Variants in ACER1 observed in about 807,000 individuals in gnomAD.
ACER1 encodes alkaline ceramidase 1.
In ACER1, 28 loss-of-function variants were observed where a neutral mutation model predicts 24.9. The ratio of observed to expected loss-of-function variants is 1.13; its 90% confidence interval spans 0.83 to 1.54. ACER1 has a LOEUF of 1.54. ACER1 is among the 40% of genes most tolerant of loss of function. The probability of loss-of-function intolerance (pLI) is 0.00; values close to 1 mark genes in which losing one functional copy is unlikely to be tolerated. For synonymous variants in ACER1, 132 were observed against 131.4 expected (o/e 1.00, Z -0.03); for missense variants, 352 against 349.3 (o/e 1.01, Z -0.06).
In ACER1 at chr19:6,309,759, G is replaced by A. The variant is rs368558992; in HGVS notation, c.426C>T (p.Asn142=). Reference sequence around the variant, plus strand: ...GGGCAATGCTGTTGAGGGCGTAGGCGTTGACCGTGGGCCGCAGGAAGGACA... The same window carrying A: ...GGGCAATGCTGTTGAGGGCGTAGGCATTGACCGTGGGCCGCAGGAAGGACA... ...TLLSFLRPTV[N]AYALNSIALH... is the part of the protein sequence containing the mutation. The change falls in exon 4 of 6, where the codon AAC becomes AAT. Residue 142 remains asparagine, a synonymous_variant. Transcript: ENST00000301452. 10 of 1,613,998 alleles carry A rather than the reference G, an allele frequency of 6.2e-6. No homozygotes were observed. Among genetic ancestry groups the A allele is most frequent in the South Asian group, 2.2e-5 (2 of 91,084 alleles).
the ACER1 span, among the ~76,000 whole-genome samples, chr19:6,339,481 T>C: frequency 6.6e-6 from 1 of 151,260 alleles, no homozygotes; most frequent in African/African-American, 2.4e-5. Context: ...AGGGAGTGAG[T>C]GTTTCTTGGG....
chr19:6,327,882 C>G (rs972922365), intron 1 of ACER1, among the ~76,000 whole-genome samples: 3 of 151,458 alleles, frequency 2.0e-5, no homozygotes, highest in Admixed American at 6.6e-5. Flanking sequence ...CGAGACCAGC[C>G]TGGCCAACAT....
At chr19:6,314,533 C>A (rs555414007) in intron 1 of ACER1, among the ~76,000 whole-genome samples, 4 of 151,778 alleles carry the variant, frequency 2.6e-5, no homozygotes, top group African/African-American at 7.2e-5. Context: ...AAGACCCCGA[C>A]GTGCTGACAT....
At chr19:6,324,846 AAAG>A in intron 1 of ACER1, among the ~76,000 whole-genome samples, 1 of 142,962 alleles carries the variant, frequency 7.0e-6, no homozygotes, top group South Asian at 2.3e-4. Context: ...GGAAGGAAGG[AAAG>A]AGAGAGAGAG....
chr19:6,319,285 C>T (rs994691807), intron 1 of ACER1, among the ~76,000 whole-genome samples: 15 of 152,110 alleles, frequency 9.9e-5, no homozygotes, highest in Admixed American at 9.8e-4. Context: ...TTTCCGATAA[C>T]ATCGGAAACT....
intron 1 of ACER1, among the ~76,000 whole-genome samples, chr19:6,313,905 G>A (rs1435557690): frequency 6.6e-6 from 1 of 152,114 alleles, no homozygotes; most frequent in African/African-American, 2.4e-5. Flanking sequence ...GAGATGGAGA[G>A]AGATGCCAGA....
At chr19:6,322,809 G>A (rs1435906738) in intron 1 of ACER1, among the ~76,000 whole-genome samples, 1 of 152,056 alleles carries the variant, frequency 6.6e-6, no homozygotes, top group Non-Finnish European at 1.5e-5. Context: ...AGATCTCATG[G>A]TTTTAAAAAC....
chr19:6,324,500 G>A (rs1600242217), intron 1 of ACER1, among the ~76,000 whole-genome samples: 1 of 149,668 alleles, frequency 6.7e-6, no homozygotes, highest in Non-Finnish European at 1.5e-5. Flanking sequence ...GCTCATGCCT[G>A]TAATCCCAGC....
At chr19:6,339,385 A>T in the ACER1 span, among the ~76,000 whole-genome samples, 1 of 152,088 alleles carries the variant, frequency 6.6e-6, no homozygotes, top group Admixed American at 6.6e-5. Context: ...ATCCTGTGTG[A>T]TCCCACTCCT....
chr19:6,307,881 G>C (rs2091559655), intron 4 of ACER1, among the ~76,000 whole-genome samples: 1 of 151,748 alleles, frequency 6.6e-6, no homozygotes, highest in African/African-American at 2.4e-5. Flanking sequence ...CAGGCCAGAA[G>C]TTTGAGACCA....
rs374898620 is a variant in ACER1 at position 6,322,837 on chromosome 19, G to A, written c.94-10338C>T. On this transcript the variant is annotated intron_variant, in intron 1 of 5. Coordinates refer to ENST00000301452, the MANE Select transcript of ACER1 (RefSeq NM_133492.3). ...TTAAAAACAGGAGTTTCAGCCGGGCGTGGTGGCTAATGCCTGTAATCCCAG... is the reference window on the plus strand; with the variant it reads ...TTAAAAACAGGAGTTTCAGCCGGGCATGGTGGCTAATGCCTGTAATCCCAG... 3.6e-4 allele frequency among the ~76,000 whole-genome samples: 55 copies of A among 152,286 alleles called. No homozygotes were observed. The East Asian group carries it at 6.9e-3, about 19-fold the overall frequency.
chr19:6,310,601 C>A lies in ACER1; in HGVS notation c.351-767G>T, dbSNP rs114414737. 9.9e-3 allele frequency among the ~76,000 whole-genome samples: 1,484 copies of A among 150,462 alleles called. 24 individuals are homozygous for A. The highest frequency in any genetic ancestry group is 0.034 in the African/African-American group (1,376 of 40,926). Reference sequence around the variant, plus strand: ...GACAACAAGAAAAAGGGTCCTAGCCCGGCACGGTGGCTCGTGACTGTAATC... The same window carrying A: ...GACAACAAGAAAAAGGGTCCTAGCCAGGCACGGTGGCTCGTGACTGTAATC... On this transcript the variant is annotated intron_variant, in intron 3 of 5. Coordinates refer to ENST00000301452, the MANE Select transcript of ACER1 (RefSeq NM_133492.3).
At chr19:6,358,655 C>T in the ACER1 span, among the ~76,000 whole-genome samples, 2 of 149,450 alleles carry the variant, frequency 1.3e-5, no homozygotes, top group African/African-American at 2.5e-5. Flanking sequence ...GTCCAGTGGC[C>T]GGGCGCAGTG....
At chr19:6,334,629 G>T (rs138014768), upstream of ACER1, among the ~76,000 whole-genome samples, 68 of 152,300 alleles carry the variant, frequency 4.5e-4, no homozygotes, top group African/African-American at 1.6e-3. Flanking sequence ...TTATACGCAT[G>T]AGCCACCTCA....
chr19:6,354,954 CTG>C, the ACER1 span, among the ~76,000 whole-genome samples: 4 of 152,168 alleles, frequency 2.6e-5, no homozygotes, highest in Admixed American at 2.6e-4. Context: ...TGCCGAGTGC[CTG>C]TGATTGCAGG....
chr19:6,347,109 A>AAAAAAAAAATATAT, the ACER1 span, among the ~76,000 whole-genome samples: 27 of 113,818 alleles, frequency 2.4e-4, no homozygotes, highest in African/African-American at 7.6e-4. Context: ...AAAAAAAAAA[A>AAAAAAAAAATATAT]ATATATATAT....
the ACER1 span, among the ~76,000 whole-genome samples, chr19:6,346,768 G>A: frequency 6.6e-6 from 1 of 151,568 alleles, no homozygotes; most frequent in African/African-American, 2.4e-5. Flanking sequence ...AAGGTTCAAA[G>A]GTTTAAAATC....
At chr19:6,348,434 C>G in the ACER1 span, among the ~76,000 whole-genome samples, 9 of 146,374 alleles carry the variant, frequency 6.1e-5, no homozygotes, top group Non-Finnish European at 1.3e-4. Flanking sequence ...GACTGCACTC[C>G]AGCCTGGGTG....
At chr19:6,307,345 G>T in intron 4 of ACER1, 55 bp from the exon 5 acceptor site, 1 of 1,589,724 alleles carries the variant, frequency 6.3e-7, no homozygotes, top group South Asian at 1.1e-5. Flanking sequence ...ACCTGATGGG[G>T]CTGATGGGAA....
Sources: gnomAD v4.1 joint callset for allele counts (sites outside exome capture counted in the v4.1 genomes callset) on GRCh38, gnomAD v4.1.1 for gene constraint, MANE v1.5 for transcripts, NCBI Gene and HGNC (gene_info 2026-07-23, HGNC 2026-07-21) for gene names.